SFXN3: variants seen among roughly 807,000 people sequenced by gnomAD.
The protein encoded by SFXN3 is sideroflexin-3.
Under a neutral mutation model 40.4 loss-of-function variants are expected in SFXN3, and 31 were observed. That is an observed-to-expected ratio of 0.77 (90% CI 0.58 to 1.04). The LOEUF (loss-of-function observed/expected upper bound fraction) is 1.04. SFXN3 is among the 50% of genes least tolerant of loss of function. The pLI is 0.00. For missense variants in SFXN3, 366 were observed against 408.2 expected, an observed-to-expected ratio of 0.90 and a Z score of 0.89; for synonymous variants, 157 against 160.0, an observed-to-expected ratio of 0.98 and a Z score of 0.14.
chr10:101,039,805 C>CT lies in SFXN3; in HGVS notation c.*222dup. On this transcript the variant is annotated 3_prime_UTR_variant, in exon 12 of 12. Transcript: ENST00000393459. This position sits in a 1 kb window ranked among gnomAD's most constrained non-coding sequence, Gnocchi z 4.6. ...ATCAGAGCACATAACCCCTCCTGTGCTTGAGTGTCCATGCATATACATACA... is the reference window on the plus strand; with the variant it reads ...ATCAGAGCACATAACCCCTCCTGTGCTTTGAGTGTCCATGCATATACATACA... 1 of 587,024 alleles carries CT rather than the reference C, an allele frequency of 1.7e-6. No homozygotes were observed. Among genetic ancestry groups the CT allele is most frequent in the South Asian group, 2.0e-5 (1 of 49,498 alleles). 36.4% of individuals were successfully genotyped at this position (587,024 alleles called of 1,614,324 possible).
At position 101,039,359 on chromosome 10, in the gene SFXN3, C is replaced by A; in HGVS notation, c.870-130C>A. On this transcript the variant is annotated intron_variant, in intron 11 of 11. Coordinates refer to ENST00000393459, the Ensembl canonical transcript of SFXN3. The surrounding 1 kb of genome is among the most constrained non-coding windows in gnomAD (Gnocchi z 4.6). ...ACTGATTCTGGGAGTGGGGGAATGACAGTGAGCCAGTCCTTCTGGCAGTAG... is the reference window on the plus strand; with the variant it reads ...ACTGATTCTGGGAGTGGGGGAATGAAAGTGAGCCAGTCCTTCTGGCAGTAG... The A allele has an allele frequency of 8.4e-7, 1 of 1,187,394 alleles. No homozygotes were observed. The highest frequency in any genetic ancestry group is 1.2e-6 in the Non-Finnish European group (1 of 802,154). The allele number at this position is 1,187,394 out of a possible 1,614,324, so 73.6% of individuals were successfully genotyped here.
rs1938624741 is a variant in SFXN3 at position 101,036,716 on chromosome 10, T to G, written c.508-7T>G. On this transcript the variant is annotated splice_region_variant and splice_polypyrimidine_tract_variant and intron_variant, in intron 6 of 11. Coordinates refer to ENST00000393459, the Ensembl canonical transcript of SFXN3. This position sits in a 1 kb window ranked among gnomAD's most constrained non-coding sequence, Gnocchi z 4.2. ...TAGGGCCACTGAACAACACCCTTCC[T>G]CCCCAGCACCTGCCCCCCTTGGTCG... is the stretch of plus-strand genomic sequence containing the variant. 6.2e-7 allele frequency: 1 copy of G among 1,605,988 alleles called. No homozygotes were observed. The highest frequency in any genetic ancestry group is 1.1e-5 in the South Asian group (1 of 90,690).
At position 101,036,647 on chromosome 10, in the gene SFXN3, T is replaced by C; in HGVS notation, c.508-76T>C. The C allele has an allele frequency of 6.2e-7, 1 of 1,610,792 alleles. No homozygotes were observed. The highest frequency in any genetic ancestry group is 8.5e-7 in the Non-Finnish European group (1 of 1,177,682). Reference sequence around the variant, plus strand: ...ATCACACCTCCAGTTCTGACCTATATGCCCCCTATATCTCCCCAGAGTCCC... The same window carrying C: ...ATCACACCTCCAGTTCTGACCTATACGCCCCCTATATCTCCCCAGAGTCCC... On this transcript the variant is annotated intron_variant, in intron 6 of 11. Coordinates refer to ENST00000393459, the Ensembl canonical transcript of SFXN3. This position sits in a 1 kb window ranked among gnomAD's most constrained non-coding sequence, Gnocchi z 4.2.
At position 101,034,904 on chromosome 10, in the gene SFXN3, G is replaced by T. The variant is rs1291951109; in HGVS notation, c.161+49G>T. Reference sequence around the variant, plus strand: ...TGTGTGCCAGGATCTCATTTTCTGTGATTAATATAATATGTTTTGTACCTG... The same window carrying T: ...TGTGTGCCAGGATCTCATTTTCTGTTATTAATATAATATGTTTTGTACCTG... On this transcript the variant is annotated intron_variant, in intron 3 of 11. Coordinates refer to ENST00000393459, the Ensembl canonical transcript of SFXN3. 3 of 1,588,964 alleles carry T rather than the reference G, an allele frequency of 1.9e-6. No individual in the cohort carries two copies. In the South Asian group the frequency reaches 3.4e-5, roughly 18 times the overall value.
chr10:101,032,472 C>A, exon 2 of SFXN3: 1 of 1,548,476 alleles, frequency 6.5e-7, no homozygotes, highest in African/African-American at 1.4e-5. Context: ...CTTCAGAGAG[C>A]GATGGAAAGC....
chr10:101,038,076 T>G, intron 9 of SFXN3: 1 of 239,436 alleles, frequency 4.2e-6, no homozygotes, highest in Non-Finnish European at 7.1e-6. Flanking sequence ...GCTGTTTAGA[T>G]AGGATGATCA....
intron 2 of SFXN3, among the ~76,000 whole-genome samples, chr10:101,033,043 G>A (rs1938395601): frequency 6.6e-6 from 1 of 152,166 alleles, no homozygotes; most frequent in African/African-American, 2.4e-5. Flanking sequence ...TTCAGTGTGA[G>A]TTGGAGAAAA....
chr10:101,039,824 A>G lies in SFXN3; in HGVS notation c.*239A>G. ...CCTGTGCTTGAGTGTCCATGCATAT[A>G]CATACATGATACACATGTGTATGTG... On this transcript the variant is annotated 3_prime_UTR_variant, in exon 12 of 12. Coordinates refer to ENST00000393459, the Ensembl canonical transcript of SFXN3. This position sits in a 1 kb window ranked among gnomAD's most constrained non-coding sequence, Gnocchi z 4.6. The G allele has an allele frequency of 3.5e-6, 2 of 567,008 alleles. No individual in the cohort carries two copies. The highest frequency in any genetic ancestry group is 3.2e-6 in the Non-Finnish European group (1 of 315,032). 35.1% of individuals were successfully genotyped at this position (567,008 alleles called of 1,614,324 possible).
Position 101,032,498 on chromosome 10 carries a change from C to G in SFXN3, c.-4+16C>G. 1 of 1,534,964 alleles carries G rather than the reference C, an allele frequency of 6.5e-7. No homozygotes were observed. ...GATGGAAAGCGTAAGTGCTCGCTCT[C>G]CCCGGCGGGCGGGGTTCTGGAATGG... On this transcript the variant is annotated intron_variant, in intron 2 of 11. Transcript: ENST00000393459.
In SFXN3 at chr10:101,036,405, A is replaced by C. The variant is rs1024746634; in HGVS notation, c.432-81A>C. 7 of 1,333,348 alleles carry C rather than the reference A, an allele frequency of 5.2e-6. No homozygotes were observed. Among genetic ancestry groups the C allele is most frequent in the Non-Finnish European group, 7.5e-6 (7 of 930,794 alleles). 82.6% of individuals were successfully genotyped at this position (1,333,348 alleles called of 1,614,324 possible). A position where few individuals can be genotyped will look rare whatever the true frequency, so the allele number is the denominator to read the frequency against. ...TTCCCCTTTTATGCCTCATGTATTG[A>C]GGACTTGGCATATCCCTAAAGGAAA... On this transcript the variant is annotated intron_variant, in intron 5 of 11. Coordinates refer to ENST00000393459, the Ensembl canonical transcript of SFXN3. This position sits in a 1 kb window ranked among gnomAD's most constrained non-coding sequence, Gnocchi z 4.2.
Position 101,037,105 on chromosome 10 carries a change from A to G in SFXN3, c.623A>G (p.Asp208Gly), listed in dbSNP as rs1019307188. ...CTGCAGGTGGGCATCCCGGTGGCTG[A>G]TGAGGCAGGTCAGAGGCTTGGCTAC... is the stretch of plus-strand genomic sequence containing the variant. The change falls in exon 8 of 12, where the codon GAT (aspartate) becomes GGT (glycine). Residue 208 changes from aspartate (D) to glycine (G), a missense_variant. By Grantham distance (94) the Asp-to-Gly change is moderately conservative (BLOSUM62 -1). Transcript: ENST00000393459. 3 of 1,613,988 alleles carry G rather than the reference A, an allele frequency of 1.9e-6. No homozygotes were observed. In the Admixed American group the frequency reaches 5.0e-5, roughly 27 times the overall value.
rs1938763842 is a variant in SFXN3, at chr10:101,039,024, G to A, written c.822-151G>A. On this transcript the variant is annotated intron_variant, in intron 10 of 11. Transcript: ENST00000393459. This position sits in a 1 kb window ranked among gnomAD's most constrained non-coding sequence, Gnocchi z 4.6. ...GGGCTCTCTTTCCTCAGAACCTGAT[G>A]TCCAGGTTGGGTTTACTATTCCTAA... is the stretch of plus-strand genomic sequence containing the variant. 1 of 698,840 alleles carries A rather than the reference G, an allele frequency of 1.4e-6. No individual in the cohort carries two copies. Among genetic ancestry groups the A allele is most frequent in the South Asian group, 1.9e-5 (1 of 54,040 alleles). The allele number at this position is 698,840 out of a possible 1,614,324, so 43.3% of individuals were successfully genotyped here. A position where few individuals can be genotyped will look rare whatever the true frequency, so the allele number is the denominator to read the frequency against.
In SFXN3 at chr10:101,039,389, AG is replaced by A; in HGVS notation, c.870-99del. On this transcript the variant is annotated intron_variant, in intron 11 of 11. Transcript: ENST00000393459. The surrounding 1 kb of genome is among the most constrained non-coding windows in gnomAD (Gnocchi z 4.6). ...AGCCAGTCCTTCTGGCAGTAGAAGG[AG>A]AGGATTTTTCAGCCTGGGAGGAGGT... 1 of 1,269,618 alleles carries A rather than the reference AG, an allele frequency of 7.9e-7. No individual in the cohort carries two copies. Among genetic ancestry groups the A allele is most frequent in the African/African-American group, 1.5e-5 (1 of 68,060 alleles). 78.6% of individuals were successfully genotyped at this position (1,269,618 alleles called of 1,614,324 possible).
chr10:101,037,341 C>T (rs552995214), intron 8 of SFXN3, 41 bp from the exon 9 acceptor site: 2 of 1,614,118 alleles, frequency 1.2e-6, no homozygotes, highest in East Asian at 4.5e-5. Flanking sequence ...ACTTTAACTC[C>T]ACTACTAATG....
At position 101,039,098 on chromosome 10, in the gene SFXN3, A is replaced by G; in HGVS notation, c.822-77A>G. On this transcript the variant is annotated intron_variant, in intron 10 of 11. Coordinates refer to ENST00000393459, the Ensembl canonical transcript of SFXN3. This position sits in a 1 kb window ranked among gnomAD's most constrained non-coding sequence, Gnocchi z 4.6. Reference sequence around the variant, plus strand: ...TCTCCACCCCTAGGGCCTATCTCCAAGGATGGGGTGGGGTGCAGGGAGGGA... The same window carrying G: ...TCTCCACCCCTAGGGCCTATCTCCAGGGATGGGGTGGGGTGCAGGGAGGGA... 7.7e-7 allele frequency: 1 copy of G among 1,300,246 alleles called. No individual in the cohort carries two copies. The highest frequency in any genetic ancestry group is 1.5e-5 in the African/African-American group (1 of 68,732). The allele number at this position is 1,300,246 out of a possible 1,614,324, so 80.5% of individuals were successfully genotyped here.
Position 101,039,567 on chromosome 10 carries a change from C to T in SFXN3, c.948C>T (p.Tyr316=), listed in dbSNP as rs764310308. 6.2e-7 allele frequency: 1 copy of T among 1,614,112 alleles called. No homozygotes were observed. Among genetic ancestry groups the T allele is most frequent in the South Asian group, 1.1e-5 (1 of 91,084 alleles). Residue 316 remains tyrosine, a synonymous_variant, in exon 12 of 12, where the codon TAC becomes TAT. Transcript: ENST00000393459. This position sits in a 1 kb window ranked among gnomAD's most constrained non-coding sequence, Gnocchi z 4.6. ...AAAACCCCAGCGTTGAAGTGGTCTA[C>T]TACAACAAGGGGCTTTGAGGAGGGT...
Position 101,036,862 on chromosome 10 carries a change from A to G in SFXN3, c.593+54A>G, listed in dbSNP as rs761828804. On this transcript the variant is annotated intron_variant, in intron 7 of 11. Transcript: ENST00000393459. This position sits in a 1 kb window ranked among gnomAD's most constrained non-coding sequence, Gnocchi z 4.2. ...ATGCCCAGAATGTAGCACACTGTCC[A>G]TCCACGCAGACCACCTCAGAATGGG... The G allele has an allele frequency of 1.1e-5, 17 of 1,593,926 alleles. No individual in the cohort carries two copies. Among genetic ancestry groups the G allele is most frequent in the Non-Finnish European group, 1.4e-5 (16 of 1,165,074 alleles).
chr10:101,032,600 T>C, intron 2 of SFXN3, 118 bp downstream of exon 2: 2 of 1,177,050 alleles, frequency 1.7e-6, no homozygotes, highest in Non-Finnish European at 2.3e-6. Context: ...GAGGTCCAAG[T>C]CCACAGGGCA....
At chr10:101,038,443 T>C in intron 9 of SFXN3, 200 bp from the exon 10 acceptor site, 1 of 1,439,388 alleles carries the variant, frequency 6.9e-7, no homozygotes, top group Non-Finnish European at 9.1e-7. Context: ...CCGGGGAGGG[T>C]GATCAGCAGA....
Sources: gnomAD v4.1 joint callset for allele counts (sites outside exome capture counted in the v4.1 genomes callset) on GRCh38, gnomAD v4.1.1 for gene constraint, Gnocchi (gnomAD v3.1) non-coding constraint, MANE v1.5 for transcripts, NCBI Gene and HGNC (gene_info 2026-07-23, HGNC 2026-07-21) for gene names.